Variants in SUV39H2 observed in about 807,000 individuals in gnomAD.
SUV39H2 encodes the protein SUV39H2 histone lysine methyltransferase, also known as histone-lysine N-methyltransferase SUV39H2.
SUV39H2 carries 10 observed loss-of-function variants against 47.5 expected under a neutral mutation model. The ratio of observed to expected loss-of-function variants is 0.21; its 90% CI spans 0.13 to 0.36. The LOEUF (loss-of-function observed/expected upper bound fraction) is 0.36, where lower values mean the gene tolerates loss of function less well. Ranked by LOEUF, SUV39H2 falls within the 10% of genes least tolerant of loss-of-function variation. The probability of loss-of-function intolerance (pLI) is 1.00; values close to 1 mark genes in which losing one functional copy is unlikely to be tolerated. For synonymous variants in SUV39H2, 159 were observed against 166.8 expected, an observed-to-expected ratio of 0.95 and a Z score of 0.36; for missense variants, 266 against 487.4, an observed-to-expected ratio of 0.55 and a Z score of 4.28.
chr10:14,897,896 CA>C (rs1195730838), intron 3 of SUV39H2: 1 of 154,708 alleles, frequency 6.5e-6, no homozygotes, highest in East Asian at 1.9e-4. Flanking sequence ...TCTATTTGAC[CA>C]AATATGATTA....
intron 2 of SUV39H2, among the ~76,000 whole-genome samples, chr10:14,891,697 G>T (rs1833394092): frequency 6.6e-6 from 1 of 152,202 alleles, no homozygotes; most frequent in South Asian, 2.1e-4. Flanking sequence ...TCTGGCTTGT[G>T]TGAGTAGGTG....
intron 1 of SUV39H2, chr10:14,879,160 A>T (rs1013136030): frequency 3.4e-6 from 4 of 1,191,628 alleles, no homozygotes; most frequent in Non-Finnish European, 4.2e-6. Flanking sequence ...GCACTTCGGA[A>T]GTGGAGCGTG....
chr10:14,885,096 G>C (rs534552367), intron 2 of SUV39H2, among the ~76,000 whole-genome samples: 2 of 152,202 alleles, frequency 1.3e-5, no homozygotes, highest in South Asian at 2.1e-4. Context: ...TCAAGGCCCT[G>C]TTCTTGGCCT....
intron 2 of SUV39H2, among the ~76,000 whole-genome samples, chr10:14,889,250 C>T (rs886659991): frequency 4.0e-5 from 6 of 151,838 alleles, no homozygotes; most frequent in African/African-American, 9.7e-5. Flanking sequence ...TTTGAAAAGA[C>T]CATTGTGATA....
At chr10:14,898,341 T>A (rs2131707981) in intron 3 of SUV39H2, 1 of 151,160 alleles carries the variant, frequency 6.6e-6, no homozygotes, top group African/African-American at 2.4e-5. Flanking sequence ...AAATCAGTAG[T>A]CTTCACCATG....
intron 2 of SUV39H2, among the ~76,000 whole-genome samples, chr10:14,884,733 C>A (rs1329834843): frequency 2.6e-5 from 4 of 152,166 alleles, no homozygotes; most frequent in Admixed American, 2.6e-4. Flanking sequence ...CTGTTGGCTA[C>A]CTTTTCCTCT....
chr10:14,881,368 G>T, intron 1 of SUV39H2, 132 bp from the exon 2 acceptor site: 3 of 670,550 alleles, frequency 4.5e-6, no homozygotes, highest in Non-Finnish European at 4.3e-6. Context: ...ACATGTAACT[G>T]GTTTCTTGTC....
intron 2 of SUV39H2, among the ~76,000 whole-genome samples, chr10:14,885,425 T>C (rs1157612751): frequency 6.6e-6 from 1 of 152,254 alleles, no homozygotes; most frequent in Admixed American, 6.5e-5. Context: ...ATGTTATCTC[T>C]ATCTCTCTGT....
intron 2 of SUV39H2, among the ~76,000 whole-genome samples, chr10:14,896,284 G>A (rs1833603551): frequency 6.6e-6 from 1 of 152,138 alleles, no homozygotes; most frequent in Non-Finnish European, 1.5e-5. Context: ...ATTCAGATTG[G>A]CCACATTTCA....
At position 14,902,532 on chromosome 10, in the gene SUV39H2, CTGA is replaced by C. The variant is rs1398233711; in HGVS notation, c.*25_*27del. 3 of 1,431,226 alleles carry C rather than the reference CTGA, an allele frequency of 2.1e-6. No individual in the cohort carries two copies. Among genetic ancestry groups the C allele is most frequent in the Non-Finnish European group, 2.8e-6 (3 of 1,053,516 alleles). 88.7% of individuals were successfully genotyped at this position (1,431,226 alleles called of 1,614,324 possible). On this transcript the variant is annotated 3_prime_UTR_variant, in exon 6 of 6. Coordinates refer to ENST00000354919, the MANE Select transcript of SUV39H2 (RefSeq NM_001193424.2). ...AACTGAACTTTTTCAGGAAATAGAG[CTGA>C]TGATTATAATATTTTTTTCCTAATG...
chr10:14,899,379 C>G, intron 3 of SUV39H2, 160 bp from the exon 4 acceptor site: 1 of 778,302 alleles, frequency 1.3e-6, no homozygotes, highest in Non-Finnish European at 2.1e-6. Context: ...TTTCCCACCT[C>G]TTTGCATCTG....
rs775867581 is a variant in SUV39H2 at position 14,901,283 on chromosome 10, T to C, written c.1126+21T>C. 4 of 1,612,926 alleles carry C rather than the reference T, an allele frequency of 2.5e-6. No homozygotes were observed. The African/African-American group carries it at 5.3e-5, about 22-fold the overall frequency. On this transcript the variant is annotated intron_variant, in intron 5 of 5. Coordinates refer to ENST00000354919, the MANE Select transcript of SUV39H2 (RefSeq NM_001193424.2). ...GAAAGGTATGCTTTTCAAGTACAGT[T>C]TCATTGGTGTCAGTTTCAATATGAA...
At chr10:14,898,423 G>C (rs1212810410) in intron 3 of SUV39H2, 2 of 151,448 alleles carry the variant, frequency 1.3e-5, no homozygotes, top group African/African-American at 4.8e-5. Context: ...CTACATATCT[G>C]GAGTTGTCAA....
chr10:14,883,539 T>C (rs1200052843), intron 2 of SUV39H2, among the ~76,000 whole-genome samples: 1 of 151,488 alleles, frequency 6.6e-6, no homozygotes, highest in African/African-American at 2.4e-5. Context: ...ACCCCGTCTC[T>C]ACTAAAAATA....
chr10:14,897,921 G>A (rs1265479239), intron 3 of SUV39H2: 2 of 153,282 alleles, frequency 1.3e-5, no homozygotes, highest in African/African-American at 4.8e-5. Context: ...GTAGTTGGCA[G>A]AACTCTATTT....
chr10:14,879,049 C>T, intron 1 of SUV39H2, 130 bp downstream of exon 1: 2 of 1,316,136 alleles, frequency 1.5e-6, no homozygotes, highest in Non-Finnish European at 9.7e-7. Flanking sequence ...GACCCCAACT[C>T]CGGGACGCAC....
Position 14,901,923 on chromosome 10 carries a change from A to G in SUV39H2, c.1127-483A>G, listed in dbSNP as rs1588866486. Among the ~76,000 whole-genome samples, 3 of 152,322 alleles carry G rather than the reference A, an allele frequency of 2.0e-5. 1 individual carries two copies. Among genetic ancestry groups the G allele is most frequent in the East Asian group, 3.9e-4 (2 of 5,192 alleles). ...TTTAAATCACATACAAATTTATTCT[A>G]TTCCTACTTGAACCTGGCTTTTAAA... On this transcript the variant is annotated intron_variant, in intron 5 of 5. Coordinates refer to ENST00000354919, the MANE Select transcript of SUV39H2 (RefSeq NM_001193424.2).
intron 2 of SUV39H2, among the ~76,000 whole-genome samples, chr10:14,893,641 A>G (rs1217489134): frequency 1.3e-5 from 2 of 152,246 alleles, no homozygotes; most frequent in African/African-American, 4.8e-5. Context: ...TTAAAAATAA[A>G]ATATGCTTAT....
chr10:14,891,971 A>G (rs1329289528), intron 2 of SUV39H2, among the ~76,000 whole-genome samples: 3 of 152,208 alleles, frequency 2.0e-5, no homozygotes, highest in South Asian at 2.1e-4. Context: ...AACGTTTTAT[A>G]TGTGGTTTTT....
Sources: gnomAD v4.1 joint callset for allele counts (sites outside exome capture counted in the v4.1 genomes callset) on GRCh38, gnomAD v4.1.1 for gene constraint, MANE v1.5 for transcripts, NCBI Gene and HGNC (gene_info 2026-07-23, HGNC 2026-07-21) for gene names.